Variants in RCAN1 observed in about 807,000 individuals in gnomAD.
The protein encoded by RCAN1 is calcipressin-1.
In RCAN1, 11 loss-of-function variants were observed where a neutral mutation model predicts 22.9. The observed-to-expected ratio is 0.48, with a 90% CI of 0.30 to 0.79. RCAN1 has a LOEUF of 0.79. Ranked by LOEUF, RCAN1 falls within the 30% of genes least tolerant of loss-of-function variation. RCAN1 has a pLI of 0.06. For synonymous variants in RCAN1, 136 were observed against 142.3 expected, an observed-to-expected ratio of 0.96 and a Z score of 0.32; for missense variants, 291 against 337.8, an observed-to-expected ratio of 0.86 and a Z score of 1.09.
intron 1 of RCAN1, among the ~76,000 whole-genome samples, chr21:34,609,622 G>A (rs1002044497): frequency 1.3e-5 from 2 of 152,290 alleles, no homozygotes; most frequent in East Asian, 3.9e-4. Flanking sequence ...CTAGCACAAA[G>A]CCTATTTTTT....
intron 1 of RCAN1, among the ~76,000 whole-genome samples, chr21:34,537,779 A>G (rs1293956811): frequency 6.6e-6 from 1 of 152,174 alleles, no homozygotes; most frequent in Non-Finnish European, 1.5e-5. Context: ...AACAATTTAC[A>G]CCGAATTATA....
At chr21:34,600,203 G>A (rs867547630) in intron 1 of RCAN1, among the ~76,000 whole-genome samples, 1 of 152,074 alleles carries the variant, frequency 6.6e-6, no homozygotes, top group African/African-American at 2.4e-5. Flanking sequence ...TTAAAGGTTA[G>A]TTCATTTAAT....
intron 1 of RCAN1, among the ~76,000 whole-genome samples, chr21:34,586,855 G>A (rs1987816386): frequency 6.6e-6 from 1 of 152,196 alleles, no homozygotes; most frequent in South Asian, 2.1e-4. Flanking sequence ...TTGGGAGGCT[G>A]AGGCAGGAGA....
chr21:34,562,162 A>G (rs1274343722), intron 1 of RCAN1, among the ~76,000 whole-genome samples: 1 of 152,144 alleles, frequency 6.6e-6, no homozygotes, highest in Admixed American at 6.5e-5. Context: ...TAAAACAATC[A>G]TCTTGCTCCA....
chr21:34,607,404 T>C (rs904135097), intron 1 of RCAN1, among the ~76,000 whole-genome samples: 2 of 152,214 alleles, frequency 1.3e-5, no homozygotes, highest in Non-Finnish European at 2.9e-5. Context: ...CCCTTTTTTT[T>C]TTTGAGACAG....
At chr21:34,565,549 G>A (rs560240475) in intron 1 of RCAN1, among the ~76,000 whole-genome samples, 1 of 152,316 alleles carries the variant, frequency 6.6e-6, no homozygotes, top group South Asian at 2.1e-4. Flanking sequence ...TTACACAGGA[G>A]TACAGCCATA....
rs118043321 is a variant in RCAN1 at position 34,565,853 on chromosome 21, C to T, written c.253-42143G>A. On this transcript the variant is annotated intron_variant, in intron 1 of 3. Transcript: ENST00000313806. Reference sequence around the variant, plus strand: ...ACACTTCACAGTATCTCTTCCCCAGCGACCATGTATACACATTTGCCTGAA... The same window carrying T: ...ACACTTCACAGTATCTCTTCCCCAGTGACCATGTATACACATTTGCCTGAA... 1.5e-4 allele frequency among the ~76,000 whole-genome samples: 23 copies of T among 152,306 alleles called. No individual in the cohort carries two copies. The East Asian group carries it at 4.2e-3, about 28-fold the overall frequency.
intron 1 of RCAN1, among the ~76,000 whole-genome samples, chr21:34,530,627 T>TTG (rs1568889098): frequency 1.2e-5 from 1 of 80,052 alleles, no homozygotes; most frequent in African/African-American, 6.2e-5. Context: ...TTTTTTTTTT[T>TTG]TTTTTTTTTT....
At chr21:34,569,257 G>C (rs1482336566) in intron 1 of RCAN1, among the ~76,000 whole-genome samples, 2 of 152,146 alleles carry the variant, frequency 1.3e-5, no homozygotes, top group African/African-American at 4.8e-5. Flanking sequence ...ATACAGTATT[G>C]TCTCTGTGGA....
chr21:34,558,248 T>TGCCCTGCTACCCGGTGCAGGA (rs979398822), intron 1 of RCAN1, among the ~76,000 whole-genome samples: 2 of 152,020 alleles, frequency 1.3e-5, no homozygotes, highest in East Asian at 3.9e-4. Flanking sequence ...GCAGCTGGGG[T>TGCCCTGCTACCCGGTGCAGGA]GCCCTGCTAC....
At chr21:34,531,431 A>C (rs1480423818) in intron 1 of RCAN1, among the ~76,000 whole-genome samples, 2 of 152,136 alleles carry the variant, frequency 1.3e-5, no homozygotes, top group East Asian at 3.9e-4. Context: ...AGGTCCACAG[A>C]AAGTCCTGTA....
chr21:34,518,011 T>G lies in RCAN1; in HGVS notation c.*73A>C. 1.3e-6 allele frequency: 2 copies of G among 1,571,414 alleles called. No homozygotes were observed. The highest frequency in any genetic ancestry group is 1.7e-6 in the Non-Finnish European group (2 of 1,153,420). Reference sequence around the variant, plus strand: ...TCGGCTGCCACCTCCGAAGAAGTCGTGACCAGCCACCTCCACAGTAAAAGA... The same window carrying G: ...TCGGCTGCCACCTCCGAAGAAGTCGGGACCAGCCACCTCCACAGTAAAAGA... On this transcript the variant is annotated 3_prime_UTR_variant, in exon 4 of 4. Transcript: ENST00000313806. This position sits in a 1 kb window ranked among gnomAD's most constrained non-coding sequence, Gnocchi z 4.2.
At chr21:34,565,174 G>A in intron 1 of RCAN1, among the ~76,000 whole-genome samples, 1 of 152,216 alleles carries the variant, frequency 6.6e-6, no homozygotes, top group Admixed American at 6.5e-5. Flanking sequence ...AATCTAGCCT[G>A]GGCAACAGAG....
chr21:34,568,001 C>G (rs1601184046), intron 1 of RCAN1, among the ~76,000 whole-genome samples: 1 of 152,182 alleles, frequency 6.6e-6, no homozygotes, highest in Non-Finnish European at 1.5e-5. Flanking sequence ...AGAAGGGGCT[C>G]GGCTCTGGGA....
intron 1 of RCAN1, among the ~76,000 whole-genome samples, chr21:34,543,003 A>T (rs2284577): frequency 6.6e-6 from 1 of 152,038 alleles, no homozygotes; most frequent in Non-Finnish European, 1.5e-5. Flanking sequence ...TGTGCTTCAG[A>T]TTCTTCATCT....
intron 1 of RCAN1, chr21:34,527,052 G>A: frequency 1.0e-6 from 1 of 967,064 alleles, no homozygotes; most frequent in Non-Finnish European, 1.3e-6. Context: ...TGGGGAGAAT[G>A]GAAAAAACAG....
chr21:34,567,814 A>G (rs1987085857), intron 1 of RCAN1, among the ~76,000 whole-genome samples: 1 of 152,176 alleles, frequency 6.6e-6, no homozygotes, highest in African/African-American at 2.4e-5. Flanking sequence ...ATCGCAACAT[A>G]AGAGGAAAAT....
chr21:34,614,310 T>A lies in RCAN1; in HGVS notation c.252+450A>T. The A allele has an allele frequency of 1.0e-6, 1 of 990,134 alleles. No homozygotes were observed. 61.3% of individuals were successfully genotyped at this position (990,134 alleles called of 1,614,324 possible). A position where few individuals can be genotyped will look rare whatever the true frequency, so the allele number is the denominator to read the frequency against. On this transcript the variant is annotated intron_variant, in intron 1 of 3. Transcript: ENST00000313806. This position sits in a 1 kb window ranked among gnomAD's most constrained non-coding sequence, Gnocchi z 6.0. ...TTGGCTTTTCTTCCAATAGTGCAGATTGGGAATGCAGGGACGTCGTCCTAT... is the reference window on the plus strand; with the variant it reads ...TTGGCTTTTCTTCCAATAGTGCAGAATGGGAATGCAGGGACGTCGTCCTAT...
chr21:34,570,840 G>C (rs1987209608), intron 1 of RCAN1, among the ~76,000 whole-genome samples: 1 of 151,962 alleles, frequency 6.6e-6, no homozygotes, highest in Non-Finnish European at 1.5e-5. Flanking sequence ...TTTTTTTATA[G>C]AAATTTACAT....
Sources: gnomAD v4.1 joint callset for allele counts (sites outside exome capture counted in the v4.1 genomes callset) on GRCh38, gnomAD v4.1.1 for gene constraint, Gnocchi (gnomAD v3.1) non-coding constraint, MANE v1.5 for transcripts, NCBI Gene and HGNC (gene_info 2026-07-23, HGNC 2026-07-21) for gene names.